Variants in STARD13 observed in about 807,000 individuals in gnomAD.
The protein encoded by STARD13 is stAR-related lipid transfer protein 13.
A neutral mutation model predicts 106.4 loss-of-function variants in STARD13; 62 were observed. The ratio of observed to expected loss-of-function variants is 0.58; its 90% confidence interval spans 0.48 to 0.72. The LOEUF is 0.72. Among genes scored for constraint, STARD13 ranks in the 30% least tolerant of loss-of-function variants. STARD13 has a pLI of 0.00. For synonymous variants in STARD13, 565 were observed against 553.0 expected (o/e 1.02, Z -0.31); for missense variants, 1,387 against 1,424.0 (o/e 0.97, Z 0.42).
chr13:33,639,745 C>T, the STARD13 span, among the ~76,000 whole-genome samples: 1 of 152,210 alleles, frequency 6.6e-6, no homozygotes, highest in African/African-American at 2.4e-5. Context: ...TCAAATAAGG[C>T]AAAAGCCAAA....
At chr13:33,221,534 C>T (rs1888355295) in intron 1 of STARD13, among the ~76,000 whole-genome samples, 1 of 152,172 alleles carries the variant, frequency 6.6e-6, no homozygotes, top group African/African-American at 2.4e-5. Context: ...AGTTGGGTTC[C>T]TGCTGATCAT....
the STARD13 span, among the ~76,000 whole-genome samples, chr13:33,516,892 G>C: frequency 6.8e-6 from 1 of 147,414 alleles, no homozygotes; most frequent in Non-Finnish European, 1.5e-5. Flanking sequence ...AGTGAGCTAT[G>C]ATTGCAACAC....
At chr13:33,327,314 C>T (rs2077787517) in intron 1 of STARD13, among the ~76,000 whole-genome samples, 1 of 152,130 alleles carries the variant, frequency 6.6e-6, no homozygotes, top group African/African-American at 2.4e-5. Context: ...ATTTTGAGTA[C>T]ACTTTAGACG....
chr13:33,600,148 C>T, the STARD13 span, among the ~76,000 whole-genome samples: 1 of 152,242 alleles, frequency 6.6e-6, no homozygotes. Context: ...AATAATCATA[C>T]ACATCTAGAA....
chr13:33,655,274 A>G, the STARD13 span, among the ~76,000 whole-genome samples: 1 of 152,248 alleles, frequency 6.6e-6, no homozygotes, highest in African/African-American at 2.4e-5. Context: ...CTGGCTAAAC[A>G]TTATGCAACT....
At chr13:33,624,194 T>G in the STARD13 span, among the ~76,000 whole-genome samples, 1 of 152,152 alleles carries the variant, frequency 6.6e-6, no homozygotes, top group Non-Finnish European at 1.5e-5. Flanking sequence ...GGAAAAAAAC[T>G]CAGGCAACCC....
At chr13:33,668,288 C>G in the STARD13 span, among the ~76,000 whole-genome samples, 32 of 152,266 alleles carry the variant, frequency 2.1e-4, 1 homozygote, top group East Asian at 6.0e-3. Context: ...AAATGGACCT[C>G]TAGGAAAAAT....
the STARD13 span, among the ~76,000 whole-genome samples, chr13:33,585,163 T>C: frequency 2.0e-5 from 3 of 152,208 alleles, no homozygotes; most frequent in Non-Finnish European, 2.9e-5. Context: ...AAATGAACCC[T>C]TGCGCACTGC....
intron 1 of STARD13, chr13:33,277,919 T>G (rs1891536549): frequency 6.6e-6 from 1 of 152,228 alleles, no homozygotes; most frequent in Non-Finnish European, 1.5e-5. Context: ...CAGTTGACTT[T>G]TAAAGTATTT....
chr13:33,350,035 C>G (rs5011113), intron 1 of STARD13, among the ~76,000 whole-genome samples: 1 of 152,052 alleles, frequency 6.6e-6, no homozygotes, highest in Non-Finnish European at 1.5e-5. Flanking sequence ...GTCCCGCGGC[C>G]CGCCAGCATG....
intron 1 of STARD13, chr13:33,185,765 G>T (rs773870932): frequency 1.7e-5 from 17 of 974,832 alleles, no homozygotes; most frequent in Non-Finnish European, 2.3e-5. Context: ...TTATCTTTCC[G>T]CCATGTCCTT....
At chr13:33,415,561 TC>T in the STARD13 span, among the ~76,000 whole-genome samples, 1 of 152,208 alleles carries the variant, frequency 6.6e-6, no homozygotes, top group Non-Finnish European at 1.5e-5. Flanking sequence ...ATGAAGATGT[TC>T]TTTTTTTTGT....
the STARD13 span, among the ~76,000 whole-genome samples, chr13:33,451,103 C>A: frequency 6.6e-6 from 1 of 151,994 alleles, no homozygotes; most frequent in African/African-American, 2.4e-5. Flanking sequence ...CAGTTTTGAA[C>A]TCCTGGGCTC....
chr13:33,541,722 A>G, the STARD13 span, among the ~76,000 whole-genome samples: 1 of 152,236 alleles, frequency 6.6e-6, no homozygotes, highest in African/African-American at 2.4e-5. Context: ...TCCAGATAAA[A>G]GTGTTTACCA....
At chr13:33,350,688 T>G, upstream of STARD13, 1 of 1,133,780 alleles carries the variant, frequency 8.8e-7, no homozygotes. Flanking sequence ...CCTCCCCTCC[T>G]CCCCTCCGTT....
the STARD13 span, among the ~76,000 whole-genome samples, chr13:33,518,921 T>G: frequency 6.4e-3 from 978 of 152,236 alleles, 9 homozygotes; most frequent in African/African-American, 0.02. Context: ...CAATGGGTCC[T>G]GTCTTCCATG....
the STARD13 span, among the ~76,000 whole-genome samples, chr13:33,466,360 C>A: frequency 6.6e-6 from 1 of 152,140 alleles, no homozygotes; most frequent in African/African-American, 2.4e-5. Context: ...ACTTTAGAGA[C>A]TAGTGTAATA....
At chr13:33,189,380 C>T (rs147340994) in intron 1 of STARD13, among the ~76,000 whole-genome samples, 366 of 125,760 alleles carry the variant, frequency 2.9e-3, no homozygotes, top group African/African-American at 9.9e-3. Flanking sequence ...AGGAAGGGAA[C>T]GACAAACCAG....
chr13:33,353,754 C>T (rs929539814), upstream of STARD13, among the ~76,000 whole-genome samples: 1 of 152,146 alleles, frequency 6.6e-6, no homozygotes, highest in East Asian at 1.9e-4. Context: ...TCCCTGACAC[C>T]CAACCAAAAT....
Sources: gnomAD v4.1 joint callset for allele counts (sites outside exome capture counted in the v4.1 genomes callset) on GRCh38, gnomAD v4.1.1 for gene constraint, MANE v1.5 for transcripts, NCBI Gene and HGNC (gene_info 2026-07-23, HGNC 2026-07-21) for gene names.